Variants in PLPP1 observed in about 807,000 individuals in gnomAD.
PLPP1 encodes the protein lipid phosphate phosphohydrolase 1a.
PLPP1 carries 24 observed loss-of-function variants against 31.2 expected under a neutral mutation model. That is an observed-to-expected ratio of 0.77 (90% confidence interval 0.56 to 1.08). The LOEUF (loss-of-function observed/expected upper bound fraction) is 1.08. Ranked by LOEUF, PLPP1 falls within the 50% of genes least tolerant of loss-of-function variation. The pLI is 0.00. For missense variants in PLPP1, 319 were observed against 342.7 expected, an observed-to-expected ratio of 0.93 and a Z score of 0.55; for synonymous variants, 146 against 126.3, an observed-to-expected ratio of 1.16 and a Z score of -1.05.
chr5:55,466,626 C>T (rs1053667455), intron 3 of PLPP1, among the ~76,000 whole-genome samples: 8 of 151,806 alleles, frequency 5.3e-5, no homozygotes, highest in Non-Finnish European at 1.2e-4. Flanking sequence ...TCGCTTGAAC[C>T]CGGGAGGCAG....
At chr5:55,531,622 G>T (rs1432776203) in intron 1 of PLPP1, among the ~76,000 whole-genome samples, 1 of 152,168 alleles carries the variant, frequency 6.6e-6, no homozygotes, top group Non-Finnish European at 1.5e-5. Flanking sequence ...ACAGAAAAAG[G>T]AAATTTATGC....
intron 3 of PLPP1, among the ~76,000 whole-genome samples, chr5:55,459,223 A>G (rs1752097966): frequency 6.6e-6 from 1 of 152,042 alleles, no homozygotes; most frequent in Non-Finnish European, 1.5e-5. Context: ...AAAAAGGAGC[A>G]ATACAGCAGA....
intron 3 of PLPP1, among the ~76,000 whole-genome samples, chr5:55,465,920 T>G (rs1399603143): frequency 1.3e-5 from 2 of 151,974 alleles, no homozygotes; most frequent in Non-Finnish European, 1.5e-5. Flanking sequence ...AGGCTTTCCC[T>G]AGGATACTGC....
intron 1 of PLPP1, among the ~76,000 whole-genome samples, chr5:55,529,634 T>A (rs1740585939): frequency 6.6e-6 from 1 of 152,240 alleles, no homozygotes; most frequent in Non-Finnish European, 1.5e-5. Context: ...AAATGTTATA[T>A]AAATACGATT....
At chr5:55,483,918 T>C (rs1252814111) in intron 1 of PLPP1, among the ~76,000 whole-genome samples, 2 of 152,264 alleles carry the variant, frequency 1.3e-5, no homozygotes, top group East Asian at 3.9e-4. Flanking sequence ...TTAAGATATG[T>C]TTACATAGAT....
intron 4 of PLPP1, among the ~76,000 whole-genome samples, chr5:55,434,134 A>C (rs1463852894): frequency 7.0e-6 from 1 of 143,646 alleles, no homozygotes; most frequent in Non-Finnish European, 1.5e-5. Flanking sequence ...CTCTGTCTCA[A>C]AAAAAAAAAA....
chr5:55,431,900 C>T (rs1209193624), intron 4 of PLPP1, among the ~76,000 whole-genome samples: 1 of 152,058 alleles, frequency 6.6e-6, no homozygotes, highest in Non-Finnish European at 1.5e-5. Context: ...CAACTGATAA[C>T]ACAGAAATAC....
In PLPP1 at chr5:55,534,734, C is replaced by T; in HGVS notation, c.-105G>A. 2.5e-6 allele frequency: 3 copies of T among 1,208,564 alleles called. No homozygotes were observed. The highest frequency in any genetic ancestry group is 3.4e-6 in the Non-Finnish European group (3 of 885,438). The allele number at this position is 1,208,564 out of a possible 1,614,324, so 74.9% of individuals were successfully genotyped here. On this transcript the variant is annotated 5_prime_UTR_variant, in exon 1 of 6. Coordinates refer to ENST00000307259, the MANE Select transcript of PLPP1 (RefSeq NM_003711.4). ...GGCCGGGGCTGGCGACGGCCCCGAG[C>T]TACGGCCCCTCCCAGCCGGAGGAGG... is the stretch of plus-strand genomic sequence containing the variant.
intron 2 of PLPP1, among the ~76,000 whole-genome samples, chr5:55,470,474 C>T (rs1465626213): frequency 6.6e-6 from 1 of 152,158 alleles, no homozygotes; most frequent in African/African-American, 2.4e-5. Context: ...AATGAGTTTG[C>T]TAGGAATATT....
At chr5:55,523,074 C>G (rs916756206) in intron 1 of PLPP1, among the ~76,000 whole-genome samples, 3 of 151,986 alleles carry the variant, frequency 2.0e-5, no homozygotes, top group Admixed American at 6.6e-5. Context: ...TTCTCACCCT[C>G]TCCATATTTT....
At chr5:55,489,889 CAAG>C (rs1752850573) in intron 1 of PLPP1, among the ~76,000 whole-genome samples, 1 of 152,046 alleles carries the variant, frequency 6.6e-6, no homozygotes. Context: ...CCAAGACACT[CAAG>C]GAGGTAAATC....
intron 3 of PLPP1, among the ~76,000 whole-genome samples, chr5:55,463,138 A>G (rs1255381150): frequency 6.6e-6 from 1 of 152,084 alleles, no homozygotes; most frequent in Non-Finnish European, 1.5e-5. Flanking sequence ...GAACAATGAG[A>G]ACACATGGAC....
intron 1 of PLPP1, chr5:55,485,074 A>G (rs895630676): frequency 6.6e-6 from 1 of 152,128 alleles, no homozygotes; most frequent in South Asian, 2.1e-4. Context: ...TAAAACTATA[A>G]TCATAAGTAA....
chr5:55,526,931 CAAAAAAAAAAAAA>C (rs34267008), intron 1 of PLPP1, among the ~76,000 whole-genome samples: 5 of 75,528 alleles, frequency 6.6e-5, no homozygotes, highest in Admixed American at 1.8e-4. Flanking sequence ...GATTCCATCT[CAAAAAAAAAAAAA>C]AAAAAAAAAA....
chr5:55,465,259 G>A (rs982695117), intron 3 of PLPP1, among the ~76,000 whole-genome samples: 1 of 152,078 alleles, frequency 6.6e-6, no homozygotes, highest in Admixed American at 6.5e-5. Context: ...TGGCCAGGCT[G>A]GTCTTGAACT....
intron 3 of PLPP1, among the ~76,000 whole-genome samples, chr5:55,447,126 C>T (rs553904459): frequency 1.3e-5 from 2 of 152,298 alleles, no homozygotes; most frequent in Non-Finnish European, 2.9e-5. Flanking sequence ...TCATGTAGCA[C>T]GTTTAGCTGA....
intron 3 of PLPP1, among the ~76,000 whole-genome samples, chr5:55,443,192 A>AAAAAAAAAATAT: frequency 1.2e-3 from 30 of 25,434 alleles, no homozygotes; most frequent in African/African-American, 3.2e-3. Flanking sequence ...AAAAAAAAAA[A>AAAAAAAAAATAT]ATATATATAT....
Position 55,425,931 on chromosome 5 carries a change from CAG to C in PLPP1, c.656_657del (p.Ser219Ter). ...ACATCGCTCCAGTGGTGTTTATAAT[CAG>C]AAACTCGAGAAAGGCCCACATAAAT... ...VSIYVGLSRV[S>X]DYKHHWSDVL... On this transcript the variant is annotated frameshift_variant, in exon 5 of 6. Transcript: ENST00000307259. LOFTEE classifies it high-confidence loss of function. 6.2e-7 allele frequency: 1 copy of C among 1,613,896 alleles called. No individual in the cohort carries two copies. Among genetic ancestry groups the C allele is most frequent in the Non-Finnish European group, 8.5e-7 (1 of 1,179,972 alleles).
chr5:55,502,536 T>C (rs1753170792), intron 1 of PLPP1, among the ~76,000 whole-genome samples: 1 of 152,088 alleles, frequency 6.6e-6, no homozygotes, highest in African/African-American at 2.4e-5. Flanking sequence ...GTGCAGTAGC[T>C]ACTAGTCACA....
Sources: allele counts gnomAD v4.1 joint callset (sites outside exome capture counted in the v4.1 genomes callset), GRCh38; gene constraint gnomAD v4.1.1; transcripts MANE v1.5; gene names NCBI Gene and HGNC (gene_info 2026-07-23, HGNC 2026-07-21).